Variants in GPI observed in about 807,000 individuals in gnomAD.
GPI encodes glucose-6-phosphate isomerase, also known as D-hexose-6-phosphate anomerase.
GPI carries 56 observed loss-of-function variants against 75.8 expected under a neutral mutation model. The ratio of observed to expected loss-of-function variants is 0.74; its 90% CI spans 0.60 to 0.92. The LOEUF (loss-of-function observed/expected upper bound fraction) is 0.92, where lower values mean the gene tolerates loss of function less well. Among genes scored for constraint, GPI ranks in the 40% least tolerant of loss-of-function variants. GPI has a pLI of 0.00. For missense variants in GPI, 638 were observed against 741.0 expected (o/e 0.86, Z 1.61); for synonymous variants, 288 against 285.4 (o/e 1.01, Z -0.09).
rs2074402358 is a variant in GPI at position 34,368,610 on chromosome 19, C to T, written c.310C>T (p.Arg104Trp). ...TCGAGCCGTGCTGCACGTGGCTCTG[C>T]GGAACCGGTCAAACACACCCATCCT... ...EGRAVLHVAL[R>W]NRSNTPILVD... The change falls in exon 4 of 18, where the codon CGG becomes TGG. Residue 104 changes from arginine to tryptophan, a missense_variant. Coordinates refer to ENST00000356487, the MANE Select transcript of GPI (RefSeq NM_000175.5). The T allele has an allele frequency of 3.1e-6, 5 of 1,614,032 alleles. No homozygotes were observed. Among genetic ancestry groups the T allele is most frequent in the Admixed American group, 1.7e-5 (1 of 60,022 alleles).
intron 14 of GPI, 132 bp downstream of exon 14, chr19:34,396,789 A>T (rs2074952267): frequency 1.3e-6 from 1 of 756,018 alleles, no homozygotes; most frequent in Admixed American, 2.0e-5. Context: ...ACAAACATGG[A>T]GGCTTAAAAC....
At chr19:34,377,006 A>T (rs1275533502) in intron 4 of GPI, among the ~76,000 whole-genome samples, 1 of 151,542 alleles carries the variant, frequency 6.6e-6, no homozygotes, top group Non-Finnish European at 1.5e-5. Flanking sequence ...CTCAAAAAAA[A>T]AATTAAAAAT....
At chr19:34,384,428 C>T (rs766480232) in intron 9 of GPI, among the ~76,000 whole-genome samples, 4 of 152,022 alleles carry the variant, frequency 2.6e-5, no homozygotes, top group South Asian at 2.1e-4. Flanking sequence ...ATCCCAAGAC[C>T]GAGAAGCTGT....
intron 14 of GPI, chr19:34,398,056 T>G (rs1344396683): frequency 1.3e-5 from 2 of 150,820 alleles, no homozygotes; most frequent in African/African-American, 4.9e-5. Flanking sequence ...GCTAAGTTTT[T>G]TTTTTTTTTT....
rs1568352476 is a variant in GPI, at chr19:34,400,069, C to G, written c.*33C>G. ...CTCATCTGCAGCCTCCTCTGTGACTCCCCTTTCTCTTCTCGTCCCTCCTCC... is the reference window on the plus strand; with the variant it reads ...CTCATCTGCAGCCTCCTCTGTGACTGCCCTTTCTCTTCTCGTCCCTCCTCC... On this transcript the variant is annotated 3_prime_UTR_variant, in exon 18 of 18. Transcript: ENST00000356487. The G allele has an allele frequency of 6.2e-7, 1 of 1,602,936 alleles. No individual in the cohort carries two copies. The highest frequency in any genetic ancestry group is 8.5e-7 in the Non-Finnish European group (1 of 1,177,830).
chr19:34,393,784 G>T lies in GPI; in HGVS notation c.909+13G>T. 6.2e-7 allele frequency: 1 copy of T among 1,612,674 alleles called. No individual in the cohort carries two copies. On this transcript the variant is annotated intron_variant, in intron 11 of 17. Coordinates refer to ENST00000356487, the MANE Select transcript of GPI (RefSeq NM_000175.5). This position sits in a 1 kb window ranked among gnomAD's most constrained non-coding sequence, Gnocchi z 4.4. ...GGCTCACTGGATGGTGAGTGCTGAG[G>T]CTGGTTCTCTGCCAAGTGCTGGCCA...
At chr19:34,360,572 T>C (rs1480177139), upstream of GPI, among the ~76,000 whole-genome samples, 1 of 152,004 alleles carries the variant, frequency 6.6e-6, no homozygotes. Context: ...CACTCCAGCC[T>C]GGGTGACAGA....
At chr19:34,362,725 G>A (rs1194164562), upstream of GPI, among the ~76,000 whole-genome samples, 1 of 152,198 alleles carries the variant, frequency 6.6e-6, no homozygotes, top group Non-Finnish European at 1.5e-5. Context: ...ACATCTCTGT[G>A]GGGATCATTC....
At chr19:34,397,070 C>T (rs959555084) in intron 14 of GPI, among the ~76,000 whole-genome samples, 11 of 152,182 alleles carry the variant, frequency 7.2e-5, no homozygotes, top group African/African-American at 2.7e-4. Flanking sequence ...CTCGGCCTCC[C>T]TAAGTGCTGG....
rs2074898207 is a variant in GPI at position 34,393,565 on chromosome 19, C to T, written c.866-163C>T. On this transcript the variant is annotated intron_variant, in intron 10 of 17. Transcript: ENST00000356487. This position sits in a 1 kb window ranked among gnomAD's most constrained non-coding sequence, Gnocchi z 4.4. ...CTAGGCAGAGTCAGATCCCTGCACTCAGGGCCACCTCTCACTGGAGGGGCT... is the reference window on the plus strand; with the variant it reads ...CTAGGCAGAGTCAGATCCCTGCACTTAGGGCCACCTCTCACTGGAGGGGCT... 1 of 743,936 alleles carries T rather than the reference C, an allele frequency of 1.3e-6. No individual in the cohort carries two copies. Among genetic ancestry groups the T allele is most frequent in the African/African-American group, 1.7e-5 (1 of 58,068 alleles). 46.1% of individuals were successfully genotyped at this position (743,936 alleles called of 1,614,324 possible).
At chr19:34,385,209 T>A (rs1401968362) in intron 9 of GPI, among the ~76,000 whole-genome samples, 1 of 151,550 alleles carries the variant, frequency 6.6e-6, no homozygotes, top group African/African-American at 2.4e-5. Context: ...ATTAGCTGGG[T>A]GTGGTGGCAC....
intron 8 of GPI, chr19:34,379,855 G>A (rs2074615377): frequency 1.8e-6 from 1 of 561,350 alleles, no homozygotes. Context: ...ACCTTCCTAG[G>A]CCTTTGTGCC....
chr19:34,396,511 C>T, intron 13 of GPI, 70 bp from the exon 14 acceptor site: 1 of 1,610,446 alleles, frequency 6.2e-7, no homozygotes, highest in Admixed American at 1.7e-5. Flanking sequence ...TAGGTCAGTG[C>T]CCTCCTCTAG....
At chr19:34,387,174 G>C (rs1399582208) in intron 9 of GPI, among the ~76,000 whole-genome samples, 2 of 152,198 alleles carry the variant, frequency 1.3e-5, no homozygotes, top group Non-Finnish European at 2.9e-5. Flanking sequence ...GAGATGTCTG[G>C]AACCCATCTT....
intron 6 of GPI, 27 bp downstream of exon 6, chr19:34,377,908 C>A (rs941250529): frequency 6.2e-6 from 10 of 1,613,572 alleles, no homozygotes; most frequent in Non-Finnish European, 8.5e-6. Flanking sequence ...CTGCCCGGCC[C>A]CTGGCCCTGT....
chr19:34,362,113 C>CA (rs71165651), upstream of GPI, among the ~76,000 whole-genome samples: 391 of 79,158 alleles, frequency 4.9e-3, 1 homozygote, highest in Middle Eastern at 7.6e-3. Context: ...GACTCCATCT[C>CA]AAAAAAAAAA....
At chr19:34,369,477 T>C (rs975782106) in intron 4 of GPI, among the ~76,000 whole-genome samples, 1 of 151,686 alleles carries the variant, frequency 6.6e-6, no homozygotes. Context: ...GAGGCCGGGG[T>C]GGGTGGATCA....
chr19:34,379,787 A>G, intron 8 of GPI: 1 of 646,498 alleles, frequency 1.5e-6, no homozygotes, highest in Non-Finnish European at 2.8e-6. Flanking sequence ...TGGGATCACG[A>G]TAACCCCTTC....
At chr19:34,371,636 G>A (rs1224895424) in intron 4 of GPI, among the ~76,000 whole-genome samples, 1 of 151,570 alleles carries the variant, frequency 6.6e-6, no homozygotes, top group African/African-American at 2.4e-5. Context: ...GGATCACGAG[G>A]TCAGGAGTTC....
Sources: gnomAD v4.1 joint callset for allele counts (sites outside exome capture counted in the v4.1 genomes callset) on GRCh38, gnomAD v4.1.1 for gene constraint, Gnocchi (gnomAD v3.1) non-coding constraint, MANE v1.5 for transcripts, NCBI Gene and HGNC (gene_info 2026-07-23, HGNC 2026-07-21) for gene names.